Variants in CLDN11 observed in about 807,000 individuals in gnomAD.
CLDN11 encodes claudin 11.
CLDN11 carries 1 observed loss-of-function variant against 18.0 expected under a neutral mutation model. The observed-to-expected ratio is 0.06, with a 90% CI of 0.02 to 0.26. The LOEUF (loss-of-function observed/expected upper bound fraction) is 0.26. CLDN11 is among the 10% of genes least tolerant of loss of function. The pLI is 1.00. For synonymous variants in CLDN11, 116 were observed against 121.5 expected, an observed-to-expected ratio of 0.96 and a Z score of 0.30; for missense variants, 172 against 276.6, an observed-to-expected ratio of 0.62 and a Z score of 2.68.
intron 2 of CLDN11, chr3:170,423,869 A>G (rs1303383565): frequency 1.3e-5 from 2 of 154,868 alleles, no homozygotes; most frequent in African/African-American, 4.8e-5. Context: ...TAAAAATACA[A>G]AAATTAGCCA....
intron 2 of CLDN11, among the ~76,000 whole-genome samples, chr3:170,426,545 G>A (rs1738858882): frequency 6.6e-6 from 1 of 152,194 alleles, no homozygotes; most frequent in Admixed American, 6.5e-5. Flanking sequence ...TTCTAGCTGT[G>A]TGAACTGGGG....
At chr3:170,430,654 CT>C (rs1415835295) in intron 2 of CLDN11, among the ~76,000 whole-genome samples, 1 of 151,864 alleles carries the variant, frequency 6.6e-6, no homozygotes, top group Non-Finnish European at 1.5e-5. Flanking sequence ...GCAATTCTCC[CT>C]GCCTCAGCCT....
intron 2 of CLDN11, 44 bp downstream of exon 2, chr3:170,423,371 G>A: frequency 6.3e-7 from 1 of 1,597,406 alleles, no homozygotes; most frequent in Non-Finnish European, 8.6e-7. Context: ...GAGGGAGCCT[G>A]ATGAATCTCA....
Position 170,433,130 on chromosome 3 carries a change from CTTTTTTTTTTTTTTTT to C in CLDN11, c.*389_*404del, listed in dbSNP as rs11322219. ...GGGTGGGGAAGAGAAATACAAGATACTTTTTTTTTTTTTTTTTTTTTTTTTTTTTTAAATAGGGCCT... is the reference window on the plus strand; with the variant it reads ...GGGTGGGGAAGAGAAATACAAGATACTTTTTTTTTTTTTTAAATAGGGCCT... On this transcript the variant is annotated 3_prime_UTR_variant, in exon 3 of 3. Coordinates refer to ENST00000064724, the MANE Select transcript of CLDN11 (RefSeq NM_005602.6). 1 of 64,058 alleles carries C rather than the reference CTTTTTTTTTTTTTTTT, an allele frequency of 1.6e-5. No individual in the cohort carries two copies. Among genetic ancestry groups the C allele is most frequent in the Non-Finnish European group, 2.8e-5 (1 of 35,608 alleles). 4.0% of individuals were successfully genotyped at this position (64,058 alleles called of 1,614,324 possible).
chr3:170,421,025 A>G (rs962689171), intron 1 of CLDN11, among the ~76,000 whole-genome samples: 27 of 152,210 alleles, frequency 1.8e-4, no homozygotes, highest in Admixed American at 1.5e-3. Context: ...ATTTGTAGGG[A>G]TCTTTGAAGC....
chr3:170,419,245 C>G lies in CLDN11; in HGVS notation c.179C>G (p.Thr60Arg). Residue 60 changes from threonine to arginine, a missense_variant, in exon 1 of 3, where the codon ACG (threonine) becomes AGG (arginine). Transcript: ENST00000064724. The surrounding 1 kb of genome is among the most constrained non-coding windows in gnomAD (Gnocchi z 8.6). ...CTGTGGGCCGACTGCGTCATGGCCA[C>G]GGGGCTGTACCACTGCAAGCCCCTG... The part of the protein sequence containing the change: ...KGLWADCVMA[T>R]GLYHCKPLVD... 7 of 1,575,626 alleles carry G rather than the reference C, an allele frequency of 4.4e-6. No homozygotes were observed. The highest frequency in any genetic ancestry group is 6.0e-6 in the Non-Finnish European group (7 of 1,160,964).
At position 170,424,946 on chromosome 3, in the gene CLDN11, C is replaced by T. The variant is rs200372851; in HGVS notation, c.391+1619C>T. On this transcript the variant is annotated intron_variant, in intron 2 of 2. Transcript: ENST00000064724. ...GTGTGTGTGTGTGTGTGTGTGCGCG[C>T]GTGTGTGTGTGTTAACAGGAGTGAA... 3.6e-3 allele frequency among the ~76,000 whole-genome samples: 451 copies of T among 124,950 alleles called. 3 individuals carry two copies. The highest frequency in any genetic ancestry group is 0.011 in the African/African-American group (406 of 35,938). 82.0% of individuals were successfully genotyped at this position (124,950 alleles called of 152,430 possible).
chr3:170,431,569 A>G (rs989458919), intron 2 of CLDN11, among the ~76,000 whole-genome samples: 4 of 152,130 alleles, frequency 2.6e-5, no homozygotes, highest in African/African-American at 9.7e-5. Context: ...ACTTGTGGCC[A>G]CTCCATTTGA....
At chr3:170,421,290 G>A in intron 1 of CLDN11, 1 of 985,958 alleles carries the variant, frequency 1.0e-6, no homozygotes, top group South Asian at 4.7e-5. Context: ...TGGACAGCCA[G>A]TGCCATGGAT....
In CLDN11 at chr3:170,432,926, T is replaced by A; in HGVS notation, c.*170T>A. ...TCTTAACTTCTCCCCATTTCCCCCA[T>A]CTTTTGGTTGCCTTAAAAGAAATCT... On this transcript the variant is annotated 3_prime_UTR_variant, in exon 3 of 3. Transcript: ENST00000064724. 1.6e-6 allele frequency: 1 copy of A among 633,684 alleles called. No homozygotes were observed. Among genetic ancestry groups the A allele is most frequent in the Non-Finnish European group, 2.7e-6 (1 of 366,534 alleles). 39.3% of individuals were successfully genotyped at this position (633,684 alleles called of 1,614,324 possible). A position where few individuals can be genotyped will look rare whatever the true frequency, so the allele number is the denominator to read the frequency against.
rs1216490336 is a variant in CLDN11, at chr3:170,434,626, A to G, written c.*1870A>G. ...TCAAGTTACGGGCCTGGTCTAAGAA[A>G]ACACATTGCAATCTATTTTGGCAGA... On this transcript the variant is annotated 3_prime_UTR_variant, in exon 3 of 3. Transcript: ENST00000064724. Among the ~76,000 whole-genome samples, 7 of 152,218 alleles carry G rather than the reference A, an allele frequency of 4.6e-5. No individual in the cohort carries two copies. The highest frequency in any genetic ancestry group is 1.0e-4 in the Non-Finnish European group (7 of 68,038).
intron 2 of CLDN11, among the ~76,000 whole-genome samples, chr3:170,430,556 T>G (rs1260714036): frequency 7.2e-6 from 1 of 138,940 alleles, no homozygotes; most frequent in Non-Finnish European, 1.6e-5. Context: ...TTTTTTTTTT[T>G]GACACAGAAT....
At chr3:170,420,903 C>G (rs1174059529) in intron 1 of CLDN11, among the ~76,000 whole-genome samples, 1 of 152,170 alleles carries the variant, frequency 6.6e-6, no homozygotes, top group Non-Finnish European at 1.5e-5. Flanking sequence ...ATCAACCACC[C>G]ATCTTTCACG....
At chr3:170,431,379 C>T (rs1344779190) in intron 2 of CLDN11, among the ~76,000 whole-genome samples, 1 of 152,144 alleles carries the variant, frequency 6.6e-6, no homozygotes, top group Non-Finnish European at 1.5e-5. Flanking sequence ...ATTTTTCTGT[C>T]TGCCAACTTT....
intron 2 of CLDN11, among the ~76,000 whole-genome samples, chr3:170,426,488 A>G (rs1738856708): frequency 6.6e-6 from 1 of 152,180 alleles, no homozygotes; most frequent in South Asian, 2.1e-4. Context: ...GTGTGATCTT[A>G]TCAGCTGGAG....
At chr3:170,424,199 A>G (rs2108244918) in intron 2 of CLDN11, among the ~76,000 whole-genome samples, 1 of 152,264 alleles carries the variant, frequency 6.6e-6, no homozygotes, top group African/African-American at 2.4e-5. Context: ...GGTACTGGGG[A>G]CACTGGGGAA....
rs368299053 is a variant in CLDN11 at position 170,419,307 on chromosome 3, T to G, written c.226+15T>G. On this transcript the variant is annotated intron_variant, in intron 1 of 2. Coordinates refer to ENST00000064724, the MANE Select transcript of CLDN11 (RefSeq NM_005602.6). The surrounding 1 kb of genome is among the most constrained non-coding windows in gnomAD (Gnocchi z 8.6). ...CATCCTGCCGGGTAAGGACCCGAGC[T>G]TGGCGGCGGCTCCCAAATCCTTATC... is the stretch of plus-strand genomic sequence containing the variant. 1.4e-4 allele frequency: 215 copies of G among 1,532,886 alleles called. 2 individuals are homozygous for G. In the African/African-American group the frequency reaches 2.7e-3, roughly 19 times the overall value. 95.0% of individuals were successfully genotyped at this position (1,532,886 alleles called of 1,614,324 possible). A position where few individuals can be genotyped will look rare whatever the true frequency, so the allele number is the denominator to read the frequency against.
Position 170,419,071 on chromosome 3 carries a change from T to G in CLDN11, c.5T>G (p.Val2Gly), listed in dbSNP as rs1577466190. Residue 2 changes from valine to glycine, a missense_variant, in exon 1 of 3, where the codon GTG becomes GGG. Coordinates refer to ENST00000064724, the MANE Select transcript of CLDN11 (RefSeq NM_005602.6). The surrounding 1 kb of genome is among the most constrained non-coding windows in gnomAD (Gnocchi z 8.6). Reference protein sequence around the residue: MVATCLQVVGFV... With the variant: MGATCLQVVGFV... ...GGGGACATCCTGGCGGCCACCATGG[T>G]GGCCACGTGCCTGCAGGTGGTGGGC... is the stretch of plus-strand genomic sequence containing the variant. The G allele has an allele frequency of 6.5e-7, 1 of 1,549,632 alleles. No individual in the cohort carries two copies.
At chr3:170,424,151 T>G (rs1394981242) in intron 2 of CLDN11, among the ~76,000 whole-genome samples, 6 of 152,174 alleles carry the variant, frequency 3.9e-5, no homozygotes, top group African/African-American at 9.7e-5. Flanking sequence ...TTTAACTCAG[T>G]AAGCCTTCCT....
Sources: allele counts gnomAD v4.1 joint callset (sites outside exome capture counted in the v4.1 genomes callset), GRCh38; gene constraint gnomAD v4.1.1; non-coding constraint Gnocchi (gnomAD v3.1); transcripts MANE v1.5; gene names NCBI Gene and HGNC (gene_info 2026-07-23, HGNC 2026-07-21).